SAMMSON: variants seen among roughly 807,000 people sequenced by gnomAD.
The protein encoded by SAMMSON is survival associated mitochondrial melanoma specific oncogenic non-coding RNA.
Position 70,099,783 on chromosome 3 carries a change from A to G in SAMMSON, n.507+28218A>G, listed in dbSNP as rs529130848. On this transcript the variant is annotated intron_variant and non_coding_transcript_variant, in intron 4 of 9. Coordinates refer to ENST00000642114, the Ensembl canonical transcript of SAMMSON. ...TGCTCACGTGGTCCCCTCTGCAGTT[A>G]CCTGCTCTTTGGCTGGTTAACATTT... is the stretch of plus-strand genomic sequence containing the variant. Among the ~76,000 whole-genome samples, 4 of 152,196 alleles carry G rather than the reference A, an allele frequency of 2.6e-5. No individual in the cohort carries two copies. In the East Asian group the frequency reaches 7.7e-4, roughly 29 times the overall value.
intron 4 of SAMMSON, among the ~76,000 whole-genome samples, chr3:70,242,447 T>C (rs566674044): frequency 2.4e-4 from 36 of 152,206 alleles, no homozygotes; most frequent in Non-Finnish European, 4.7e-4. Flanking sequence ...CAGTGGCCCA[T>C]AGGTCCCATG....
rs1576139784 is a variant in SAMMSON at position 70,162,330 on chromosome 3, T to C, written n.508-86777T>C. 2.6e-5 allele frequency among the ~76,000 whole-genome samples: 4 copies of C among 152,056 alleles called. No homozygotes were observed. The East Asian group carries it at 5.8e-4, about 22-fold the overall frequency. On this transcript the variant is annotated intron_variant and non_coding_transcript_variant, in intron 4 of 9. Coordinates refer to ENST00000642114, the Ensembl canonical transcript of SAMMSON. ...GGTGAAACCCACAAATTTTGGTATATGTATTTTCATTTTCATTCTGCTCAA... is the reference window on the plus strand; with the variant it reads ...GGTGAAACCCACAAATTTTGGTATACGTATTTTCATTTTCATTCTGCTCAA...
intron 6 of SAMMSON, among the ~76,000 whole-genome samples, chr3:70,282,832 A>C (rs2106683480): frequency 6.6e-6 from 1 of 152,318 alleles, no homozygotes; most frequent in Non-Finnish European, 1.5e-5. Flanking sequence ...ATGAAGGATG[A>C]CCATAGCAGT....
At chr3:70,283,766 A>AT (rs1575615007) in intron 6 of SAMMSON, 1 of 142,296 alleles carries the variant, frequency 7.0e-6, no homozygotes, top group South Asian at 2.4e-4. Context: ...TGTAATGCTT[A>AT]TTTTTTGTAA....
At chr3:70,216,210 T>C (rs1398067668) in intron 4 of SAMMSON, among the ~76,000 whole-genome samples, 1 of 150,634 alleles carries the variant, frequency 6.6e-6, no homozygotes, top group Non-Finnish European at 1.5e-5. Context: ...CTAATTCTAC[T>C]TTATATATAA....
At chr3:70,367,073 G>T (rs1702927923) in intron 9 of SAMMSON, among the ~76,000 whole-genome samples, 1 of 151,718 alleles carries the variant, frequency 6.6e-6, no homozygotes, top group South Asian at 2.1e-4. Flanking sequence ...AGTATCTGTG[G>T]TGTTTTGGCA....
intron 2 of SAMMSON, among the ~76,000 whole-genome samples, chr3:70,404,343 C>T (rs1488323097): frequency 6.6e-6 from 1 of 151,976 alleles, no homozygotes; most frequent in Non-Finnish European, 1.5e-5. Flanking sequence ...CAAATTTAGC[C>T]TATATAAAAC....
chr3:70,169,194 C>A (rs1339206220), intron 4 of SAMMSON, among the ~76,000 whole-genome samples: 1 of 152,022 alleles, frequency 6.6e-6, no homozygotes, highest in Non-Finnish European at 1.5e-5. Flanking sequence ...ATATTGCTAC[C>A]TATGAATAAT....
chr3:70,091,018 T>C (rs1449305219), intron 4 of SAMMSON, among the ~76,000 whole-genome samples: 2 of 152,218 alleles, frequency 1.3e-5, no homozygotes, highest in Admixed American at 6.5e-5. Context: ...CTGTAACTTA[T>C]GTTAGCCTCT....
chr3:70,072,824 A>G (rs1480360339), intron 4 of SAMMSON, among the ~76,000 whole-genome samples: 1 of 151,998 alleles, frequency 6.6e-6, no homozygotes, highest in Non-Finnish European at 1.5e-5. Flanking sequence ...CAGTTTTTCA[A>G]ATTTGAACAT....
intron 9 of SAMMSON, among the ~76,000 whole-genome samples, chr3:70,371,162 C>T (rs1457667477): frequency 6.6e-6 from 1 of 151,990 alleles, no homozygotes; most frequent in African/African-American, 2.4e-5. Context: ...TATTCTGTTC[C>T]ATTGGTCTTT....
chr3:70,329,089 T>A (rs1702601778), intron 7 of SAMMSON, among the ~76,000 whole-genome samples: 1 of 152,128 alleles, frequency 6.6e-6, no homozygotes, highest in Non-Finnish European at 1.5e-5. Flanking sequence ...AGTCATTCAA[T>A]TACTTCATAT....
chr3:70,216,108 C>T (rs1312408118), intron 4 of SAMMSON, among the ~76,000 whole-genome samples: 1 of 151,542 alleles, frequency 6.6e-6, no homozygotes, highest in Admixed American at 6.6e-5. Flanking sequence ...ATGTAAATAT[C>T]TGGTATATGT....
At chr3:70,054,891 G>T (rs1274398881) in intron 3 of SAMMSON, among the ~76,000 whole-genome samples, 2 of 152,024 alleles carry the variant, frequency 1.3e-5, no homozygotes, top group Non-Finnish European at 2.9e-5. Context: ...GGAGAAGTCA[G>T]AAATTTAGAC....
At chr3:70,394,431 C>CA (rs1277112302), downstream of SAMMSON, among the ~76,000 whole-genome samples, 3 of 152,138 alleles carry the variant, frequency 2.0e-5, no homozygotes, top group East Asian at 5.8e-4. Flanking sequence ...CACTTACTGA[C>CA]ACCTCCTCCC....
chr3:70,088,730 A>G (rs750126507), intron 4 of SAMMSON, among the ~76,000 whole-genome samples: 7 of 152,212 alleles, frequency 4.6e-5, no homozygotes, highest in Non-Finnish European at 1.0e-4. Flanking sequence ...ATCAAAAGAG[A>G]TAATTCAAGG....
chr3:70,269,994 C>T (rs950256496), intron 6 of SAMMSON, among the ~76,000 whole-genome samples: 10 of 151,960 alleles, frequency 6.6e-5, no homozygotes, highest in Admixed American at 5.2e-4. Context: ...GAAAACAGAT[C>T]GAAACAAACA....
At chr3:70,151,701 GA>G (rs35476596) in intron 4 of SAMMSON, among the ~76,000 whole-genome samples, 1 of 151,932 alleles carries the variant, frequency 6.6e-6, no homozygotes, top group African/African-American at 2.4e-5. Flanking sequence ...ATAAATGTAA[GA>G]AAAAATTGCT....
At chr3:70,384,815 G>A (rs969353697) in intron 9 of SAMMSON, among the ~76,000 whole-genome samples, 8 of 151,720 alleles carry the variant, frequency 5.3e-5, no homozygotes, top group Admixed American at 2.0e-4. Flanking sequence ...GATTTTTTTC[G>A]TCTATCCAAG....
Sources: allele counts gnomAD v4.1 joint callset (sites outside exome capture counted in the v4.1 genomes callset), GRCh38; gene constraint gnomAD v4.1.1; transcripts MANE v1.5; gene names NCBI Gene and HGNC (gene_info 2026-07-23, HGNC 2026-07-21).